TMTC2: variants seen among roughly 807,000 people sequenced by gnomAD.
TMTC2 encodes protein O-mannosyl-transferase TMTC2.
In TMTC2, 43 loss-of-function variants were observed where a neutral mutation model predicts 82.4. The observed-to-expected ratio is 0.52, with a 90% CI of 0.41 to 0.67. TMTC2 has a LOEUF of 0.67. TMTC2 is among the 30% of genes least tolerant of loss of function. The pLI is 0.00. For missense variants in TMTC2, 919 were observed against 1,012.4 expected (o/e 0.91, Z 1.25); for synonymous variants, 408 against 381.9 (o/e 1.07, Z -0.80).
chr12:82,864,206 G>C (rs528462287), intron 2 of TMTC2, among the ~76,000 whole-genome samples: 1 of 152,262 alleles, frequency 6.6e-6, no homozygotes, highest in Admixed American at 6.5e-5. Flanking sequence ...AGACCACCTG[G>C]TATGTATAGT....
At chr12:82,977,687 C>T (rs1288077280) in intron 7 of TMTC2, among the ~76,000 whole-genome samples, 2 of 151,686 alleles carry the variant, frequency 1.3e-5, no homozygotes, top group African/African-American at 2.4e-5. Flanking sequence ...ATAAAAGATA[C>T]TTTAATAATA....
chr12:83,113,474 C>A lies in TMTC2; in HGVS notation c.2332-18736C>A, dbSNP rs954308469. Among the ~76,000 whole-genome samples, 6 of 152,158 alleles carry A rather than the reference C, an allele frequency of 3.9e-5. No individual in the cohort carries two copies. In the South Asian group the frequency reaches 1.2e-3, roughly 32 times the overall value. On this transcript the variant is annotated intron_variant, in intron 11 of 11. Coordinates refer to ENST00000321196, the MANE Select transcript of TMTC2 (RefSeq NM_152588.3). ...AAAATGTGCAGTAGAATGGAGAGAT[C>A]TTGAGGGCGATAAGTGAACCTTTAC... is the stretch of plus-strand genomic sequence containing the variant.
At chr12:83,041,034 T>C (rs1881875848) in intron 9 of TMTC2, among the ~76,000 whole-genome samples, 1 of 152,192 alleles carries the variant, frequency 6.6e-6, no homozygotes, top group African/African-American at 2.4e-5. Flanking sequence ...GACTGGCCTT[T>C]GGTTAGTTTT....
At chr12:82,749,358 A>C (rs1177343403) in intron 1 of TMTC2, among the ~76,000 whole-genome samples, 3 of 152,120 alleles carry the variant, frequency 2.0e-5, no homozygotes, top group African/African-American at 7.3e-5. Flanking sequence ...ACTATGAGAA[A>C]ACAAAATCCT....
chr12:82,786,922 C>T (rs1878205703), intron 1 of TMTC2, among the ~76,000 whole-genome samples: 1 of 152,130 alleles, frequency 6.6e-6, no homozygotes, highest in Non-Finnish European at 1.5e-5. Context: ...ATTCCTCATG[C>T]ATACCTACTT....
intron 8 of TMTC2, among the ~76,000 whole-genome samples, chr12:83,015,889 A>G (rs972553644): frequency 6.6e-6 from 1 of 152,120 alleles, no homozygotes; most frequent in Non-Finnish European, 1.5e-5. Context: ...GGTTCTGGCC[A>G]TTTGTGCGTG....
intron 9 of TMTC2, among the ~76,000 whole-genome samples, chr12:83,039,243 A>T (rs1360006617): frequency 6.6e-5 from 10 of 152,118 alleles, no homozygotes; most frequent in Non-Finnish European, 1.5e-4. Context: ...AAGAACAAGC[A>T]TCTTAATCTA....
At chr12:82,969,741 G>C (rs980836628) in intron 7 of TMTC2, among the ~76,000 whole-genome samples, 10 of 151,990 alleles carry the variant, frequency 6.6e-5, no homozygotes, top group African/African-American at 2.4e-4. Flanking sequence ...TATTATGGCA[G>C]CTTATAAGTA....
intron 11 of TMTC2, among the ~76,000 whole-genome samples, chr12:83,126,185 A>G (rs753713298): frequency 2.0e-5 from 3 of 152,134 alleles, no homozygotes; most frequent in African/African-American, 4.8e-5. Flanking sequence ...TGCCTAATAT[A>G]TAAAATTAAA....
chr12:83,059,120 C>A (rs1301622255), intron 10 of TMTC2, among the ~76,000 whole-genome samples: 1 of 151,754 alleles, frequency 6.6e-6, no homozygotes. Flanking sequence ...GTCTCGGGAA[C>A]CTGAGTCCTG....
At chr12:82,723,366 G>A (rs1264614408) in intron 1 of TMTC2, among the ~76,000 whole-genome samples, 2 of 152,150 alleles carry the variant, frequency 1.3e-5, no homozygotes, top group Non-Finnish European at 2.9e-5. Context: ...TTATGGTTAT[G>A]CAAGGCTTCC....
intron 1 of TMTC2, among the ~76,000 whole-genome samples, chr12:82,842,572 G>A (rs1468828070): frequency 6.6e-6 from 1 of 152,166 alleles, no homozygotes; most frequent in East Asian, 1.9e-4. Flanking sequence ...TAATAATATG[G>A]TACTGTCTCT....
In TMTC2 at chr12:83,061,847, A is replaced by G; in HGVS notation, c.2331+16A>G. On this transcript the variant is annotated intron_variant, in intron 11 of 11. Coordinates refer to ENST00000321196, the MANE Select transcript of TMTC2 (RefSeq NM_152588.3). Reference sequence around the variant, plus strand: ...GAGGCCTAATGTAAGTACTTCCCTAATGAGAAACATTTTCAGAGGGATAGA... The same window carrying G: ...GAGGCCTAATGTAAGTACTTCCCTAGTGAGAAACATTTTCAGAGGGATAGA... 2 of 1,565,434 alleles carry G rather than the reference A, an allele frequency of 1.3e-6. No homozygotes were observed. The highest frequency in any genetic ancestry group is 1.7e-6 in the Non-Finnish European group (2 of 1,155,010).
chr12:82,865,912 C>G (rs1638469977), intron 2 of TMTC2, among the ~76,000 whole-genome samples: 1 of 152,144 alleles, frequency 6.6e-6, no homozygotes, highest in African/African-American at 2.4e-5. Flanking sequence ...TGAATGACTA[C>G]TGGGTACATA....
intron 2 of TMTC2, among the ~76,000 whole-genome samples, chr12:82,888,079 CA>C (rs1432749249): frequency 6.6e-6 from 1 of 151,632 alleles, no homozygotes; most frequent in Non-Finnish European, 1.5e-5. Flanking sequence ...AACTCTATCT[CA>C]AAAAAATAAA....
chr12:82,718,969 G>A (rs1054223751), intron 1 of TMTC2, among the ~76,000 whole-genome samples: 1 of 147,200 alleles, frequency 6.8e-6, no homozygotes, highest in Non-Finnish European at 1.5e-5. Context: ...TTATAAAAAT[G>A]AAGCAGTACT....
chr12:82,729,843 A>T (rs1449854068), intron 1 of TMTC2, among the ~76,000 whole-genome samples: 1 of 152,160 alleles, frequency 6.6e-6, no homozygotes, highest in Non-Finnish European at 1.5e-5. Context: ...CACTGCCTTT[A>T]TGAGCTGTAA....
chr12:82,822,095 C>A (rs116306336), intron 1 of TMTC2, among the ~76,000 whole-genome samples: 3,095 of 152,144 alleles, frequency 0.02, 94 homozygotes, highest in African/African-American at 0.071. Flanking sequence ...ATAATTCTAA[C>A]TGTATGACAT....
chr12:83,057,257 G>C (rs553761750), intron 10 of TMTC2, among the ~76,000 whole-genome samples: 1 of 152,052 alleles, frequency 6.6e-6, no homozygotes, highest in East Asian at 1.9e-4. Context: ...GTCTTAAACT[G>C]TCATGGGGCA....
Sources: allele counts gnomAD v4.1 joint callset (sites outside exome capture counted in the v4.1 genomes callset), GRCh38; gene constraint gnomAD v4.1.1; transcripts MANE v1.5; gene names NCBI Gene and HGNC (gene_info 2026-07-23, HGNC 2026-07-21).